The following SOX6 variants were observed in gnomAD, a reference collection of about 807,000 sequenced individuals.
SOX6 encodes the protein SRY-box transcription factor 6.
A neutral mutation model predicts 97.8 loss-of-function variants in SOX6; 11 were observed. The observed-to-expected ratio is 0.11, with a 90% CI of 0.07 to 0.19. The LOEUF is 0.19. Among genes scored for constraint, SOX6 ranks in the 10% least tolerant of loss-of-function variants. SOX6 has a pLI of 1.00. For synonymous variants in SOX6, 360 were observed against 371.4 expected, an observed-to-expected ratio of 0.97 and a Z score of 0.35; for missense variants, 810 against 1,039.5, an observed-to-expected ratio of 0.78 and a Z score of 3.04.
chr11:16,065,589 C>A (rs1436122038), intron 9 of SOX6, among the ~76,000 whole-genome samples: 4 of 152,096 alleles, frequency 2.6e-5, no homozygotes, highest in Non-Finnish European at 5.9e-5. Context: ...GAATAGAGAA[C>A]CCAGAAACAA....
In SOX6 at chr11:15,986,227, C is replaced by T; in HGVS notation, c.2160G>A (p.Glu720=). The change falls in exon 15 of 16, where the codon GAG becomes GAA. Residue 720 remains glutamate (E), a synonymous_variant. Coordinates refer to ENST00000683767, the MANE Select transcript of SOX6 (RefSeq NM_001367873.1). The stretch of plus-strand genomic sequence containing the variant: ...ACCCCACAGTAAAGAACTGCCTCAT[C>T]TCCTGTCTCCGAGACCTCATCAGTT... ...YKQLMRSRRQ[E]MRQFFTVGQQ... is the part of the protein sequence containing the mutation. 1 of 1,614,146 alleles carries T rather than the reference C, an allele frequency of 6.2e-7. No homozygotes were observed. Among genetic ancestry groups the T allele is most frequent in the South Asian group, 1.1e-5 (1 of 91,080 alleles).
At position 16,289,609 on chromosome 11, in the gene SOX6, T is replaced by C. The variant is rs1854851020; in HGVS notation, c.445+28837A>G. Among the ~76,000 whole-genome samples the C allele has an allele frequency of 3.9e-5, 6 of 152,128 alleles. No individual in the cohort carries two copies. The South Asian group carries it at 1.0e-3, about 26-fold the overall frequency. On this transcript the variant is annotated intron_variant, in intron 3 of 15. Transcript: ENST00000683767. ...AACCTAGGTGTGCCTTTTGATTTAC[T>C]AAAGCCCAGATGCATCCAAATCAAA...
intron 15 of SOX6, among the ~76,000 whole-genome samples, chr11:15,975,958 T>C (rs527491933): frequency 6.6e-6 from 1 of 152,298 alleles, no homozygotes; most frequent in Non-Finnish European, 1.5e-5. Context: ...AAAACATCTG[T>C]ACAATTTACT....
In SOX6 at chr11:16,132,432, AG is replaced by A. The variant is rs1202552994; in HGVS notation, c.778-20510del. 4.4e-3 allele frequency among the ~76,000 whole-genome samples: 433 copies of A among 99,336 alleles called. 10 individuals are homozygous for A. The highest frequency in any genetic ancestry group is 0.011 in the East Asian group (22 of 1,914). The allele number at this position is 99,336 out of a possible 152,430, so 65.2% of individuals were successfully genotyped here. On this transcript the variant is annotated intron_variant, in intron 6 of 15. Transcript: ENST00000683767. ...AAGAAAGAAAGAAAGAAAGAAAGAA[AG>A]AAAGAAAGAAAAAAGAAAGAAAGAA...
Position 16,014,958 on chromosome 11 carries a change from C to T in SOX6, c.1716G>A (p.Arg572=), listed in dbSNP as rs1323965811. ...KLGPGVIDLT[R]PEDAEGSKAM... ...GCCACTCACCCTCTGCATCTTCTGG[C>T]CGAGTAAGGTCGATGACACCTGGGC... The change falls in exon 13 of 16, where the codon CGG becomes CGA. Residue 572 remains arginine, a synonymous_variant. Coordinates refer to ENST00000683767, the MANE Select transcript of SOX6 (RefSeq NM_001367873.1). The T allele has an allele frequency of 6.2e-7, 1 of 1,612,684 alleles. No individual in the cohort carries two copies. The highest frequency in any genetic ancestry group is 8.5e-7 in the Non-Finnish European group (1 of 1,179,242).
intron 3 of SOX6, among the ~76,000 whole-genome samples, chr11:16,681,752 A>G (rs1219620715): frequency 1.3e-5 from 2 of 152,218 alleles, no homozygotes; most frequent in Non-Finnish European, 1.5e-5. Flanking sequence ...AGAATCAAAT[A>G]GAGACAATAA....
At chr11:16,087,999 G>A (rs1196313285) in intron 9 of SOX6, among the ~76,000 whole-genome samples, 1 of 150,072 alleles carries the variant, frequency 6.7e-6, no homozygotes, top group East Asian at 2.0e-4. Flanking sequence ...CAGGGTGGGG[G>A]GTGGGGAAAG....
intron 1 of SOX6, among the ~76,000 whole-genome samples, chr11:16,355,161 C>T (rs961927853): frequency 6.6e-6 from 1 of 151,986 alleles, no homozygotes; most frequent in Non-Finnish European, 1.5e-5. Context: ...AGTTTGAGAT[C>T]ACTATTTCCA....
At chr11:16,310,911 G>T (rs1215812131) in intron 3 of SOX6, among the ~76,000 whole-genome samples, 1 of 151,586 alleles carries the variant, frequency 6.6e-6, no homozygotes, top group Non-Finnish European at 1.5e-5. Flanking sequence ...GGGTGTGAAT[G>T]TTAATTAAAA....
chr11:16,200,226 G>A (rs145634112), intron 4 of SOX6, among the ~76,000 whole-genome samples: 55 of 152,252 alleles, frequency 3.6e-4, no homozygotes, highest in Non-Finnish European at 7.4e-4. Context: ...CCAGATATCA[G>A]GTTTCTCAGT....
intron 3 of SOX6, among the ~76,000 whole-genome samples, chr11:16,254,559 C>A (rs947022261): frequency 1.3e-5 from 2 of 151,846 alleles, no homozygotes; most frequent in African/African-American, 2.4e-5. Context: ...TATTTGAAAG[C>A]GGACTTGGAT....
intron 3 of SOX6, among the ~76,000 whole-genome samples, chr11:16,636,677 C>T (rs1812736286): frequency 6.6e-6 from 1 of 152,110 alleles, no homozygotes; most frequent in Admixed American, 6.5e-5. Flanking sequence ...ACTGTAGTTC[C>T]CATAATCCCC....
chr11:16,483,981 C>T, intron 4 of SOX6: 2 of 853,648 alleles, frequency 2.3e-6, no homozygotes, highest in Non-Finnish European at 2.0e-6. Flanking sequence ...CTGTGATCAC[C>T]TTGATCCTGG....
chr11:16,318,738 T>C, intron 2 of SOX6, 85 bp from the exon 3 acceptor site: 1 of 1,003,782 alleles, frequency 1.0e-6, no homozygotes. Context: ...CTGAGGACAG[T>C]ATATGATGCT....
intron 1 of SOX6, among the ~76,000 whole-genome samples, chr11:16,401,326 T>C (rs902983885): frequency 6.6e-6 from 1 of 151,424 alleles, no homozygotes; most frequent in Non-Finnish European, 1.5e-5. Flanking sequence ...GTTGTTTGTT[T>C]TTGACAGGGA....
chr11:16,270,400 C>A (rs538397634), intron 3 of SOX6, among the ~76,000 whole-genome samples: 1 of 151,134 alleles, frequency 6.6e-6, no homozygotes, highest in Admixed American at 6.6e-5. Context: ...GCGGGGGAGG[C>A]GAGGAATAAA....
chr11:16,689,701 T>C (rs1056864731), intron 3 of SOX6, among the ~76,000 whole-genome samples: 1 of 152,194 alleles, frequency 6.6e-6, no homozygotes. Flanking sequence ...CTGAGTTCAA[T>C]AGGTTTTGGT....
At chr11:16,669,817 G>A (rs1676337041) in intron 3 of SOX6, among the ~76,000 whole-genome samples, 1 of 152,088 alleles carries the variant, frequency 6.6e-6, no homozygotes, top group Admixed American at 6.5e-5. Context: ...CTGGAACTCT[G>A]ACACAACCAC....
At chr11:16,702,766 ATG>A (rs1848104170) in intron 3 of SOX6, among the ~76,000 whole-genome samples, 1 of 152,122 alleles carries the variant, frequency 6.6e-6, no homozygotes. Context: ...AAGGTGTTTG[ATG>A]TCCCAGGCAC....
Sources: allele counts gnomAD v4.1 joint callset (sites outside exome capture counted in the v4.1 genomes callset), GRCh38; gene constraint gnomAD v4.1.1; transcripts MANE v1.5; gene names NCBI Gene and HGNC (gene_info 2026-07-23, HGNC 2026-07-21).